Variants in BACE1 observed in about 807,000 individuals in gnomAD.
BACE1 encodes the protein beta-secretase 1.
In BACE1, 21 loss-of-function variants were observed where a neutral mutation model predicts 54.0. The ratio of observed to expected loss-of-function variants is 0.39; its 90% CI spans 0.28 to 0.56. BACE1 has a LOEUF of 0.56. Among genes scored for constraint, BACE1 ranks in the 20% least tolerant of loss-of-function variants. The pLI is 0.63. For synonymous variants in BACE1, 232 were observed against 260.9 expected, an observed-to-expected ratio of 0.89 and a Z score of 1.07; for missense variants, 511 against 661.2, an observed-to-expected ratio of 0.77 and a Z score of 2.49.
chr11:117,299,731 G>A (rs1347726618), intron 1 of BACE1: 3 of 360,762 alleles, frequency 8.3e-6, no homozygotes, highest in African/African-American at 2.2e-5. Context: ...ATAGAGCTGG[G>A]AGGCTCAGCA....
At chr11:117,312,539 T>C (rs1484233551) in intron 1 of BACE1, among the ~76,000 whole-genome samples, 1 of 152,166 alleles carries the variant, frequency 6.6e-6, no homozygotes, top group Non-Finnish European at 1.5e-5. Context: ...CTCGGCTCAC[T>C]GCAACCTCTG....
At chr11:117,307,249 C>T (rs1345488284) in intron 1 of BACE1, among the ~76,000 whole-genome samples, 3 of 152,192 alleles carry the variant, frequency 2.0e-5, no homozygotes, top group African/African-American at 7.2e-5. Flanking sequence ...AAAGAGAAGG[C>T]TCCCAGGAGA....
At position 117,290,924 on chromosome 11, in the gene BACE1, G is replaced by C; in HGVS notation, c.1068C>G (p.Ser356=). The C allele has an allele frequency of 6.2e-7, 1 of 1,614,152 alleles. No homozygotes were observed. The highest frequency in any genetic ancestry group is 1.3e-5 in the African/African-American group (1 of 75,036). ...CCTGCGGAAGGATGGTGATGCGGAA[G>C]GACTGGTTGGTAACCTCACCCATTA... is the stretch of plus-strand genomic sequence containing the variant. ...LYLMGEVTNQ[S]FRITILPQQY... The change falls in exon 7 of 9, where the codon TCC becomes TCG. Residue 356 remains serine (S), a synonymous_variant. Transcript: ENST00000313005.
At chr11:117,295,707 C>G in intron 2 of BACE1, 4 of 1,475,726 alleles carry the variant, frequency 2.7e-6, no homozygotes, top group Non-Finnish European at 3.6e-6. Context: ...GTCAAGCTCC[C>G]CGAGAAAAGG....
chr11:117,312,410 C>A (rs2034965864), intron 1 of BACE1, among the ~76,000 whole-genome samples: 2 of 152,184 alleles, frequency 1.3e-5, no homozygotes, highest in Admixed American at 1.3e-4. Context: ...GAGTTTATCA[C>A]TTTCTGAACA....
chr11:117,294,745 C>T (rs1258473824), intron 3 of BACE1, among the ~76,000 whole-genome samples: 5 of 151,636 alleles, frequency 3.3e-5, no homozygotes, highest in East Asian at 2.0e-4. Flanking sequence ...ATTAGCCGGG[C>T]GTCATGGTGG....
rs1018786036 is a variant in BACE1 at position 117,315,042 on chromosome 11, C to T, written c.261+493G>A. Among the ~76,000 whole-genome samples the T allele has an allele frequency of 5.9e-5, 9 of 152,108 alleles. No individual in the cohort carries two copies. The highest frequency in any genetic ancestry group is 2.2e-4 in the African/African-American group (9 of 41,426). ...CTCACTTTGCCGTACCAGTGGCAGC[C>T]CAGATGGTGGGAGCAAGGTGCTTAT... On this transcript the variant is annotated intron_variant, in intron 1 of 8. Transcript: ENST00000313005. The surrounding 1 kb of genome is among the most constrained non-coding windows in gnomAD (Gnocchi z 5.5).
rs1296927151 is a variant in BACE1, at chr11:117,316,044, C to T, written c.-249G>A. ...GGAGCCCGCTACATCGGCACGGCGG[C>T]GGCCAGCCTGGGCAGCGGGCGCGGG... is the stretch of plus-strand genomic sequence containing the variant. On this transcript the variant is annotated 5_prime_UTR_variant, in exon 1 of 9. Transcript: ENST00000313005. 1.0e-5 allele frequency: 4 copies of T among 397,338 alleles called. No homozygotes were observed. The highest frequency in any genetic ancestry group is 1.8e-5 in the Non-Finnish European group (4 of 227,726). The allele number at this position is 397,338 out of a possible 1,614,324, so 24.6% of individuals were successfully genotyped here. A position where few individuals can be genotyped will look rare whatever the true frequency, so the allele number is the denominator to read the frequency against.
In BACE1 at chr11:117,315,024, T is replaced by C. The variant is rs1432907473; in HGVS notation, c.261+511A>G. On this transcript the variant is annotated intron_variant, in intron 1 of 8. Transcript: ENST00000313005. This position sits in a 1 kb window ranked among gnomAD's most constrained non-coding sequence, Gnocchi z 5.5. ...CAGGGGGGCCTCGACAACCTCACTT[T>C]GCCGTACCAGTGGCAGCCCAGATGG... Among the ~76,000 whole-genome samples, 1 of 152,142 alleles carries C rather than the reference T, an allele frequency of 6.6e-6. No individual in the cohort carries two copies. Among genetic ancestry groups the C allele is most frequent in the Non-Finnish European group, 1.5e-5 (1 of 68,008 alleles).
At chr11:117,303,232 G>C (rs2034762606) in intron 1 of BACE1, among the ~76,000 whole-genome samples, 2 of 152,192 alleles carry the variant, frequency 1.3e-5, no homozygotes, top group Non-Finnish European at 2.9e-5. Context: ...TGATCCGGGA[G>C]TCATCGTCTT....
rs899748840 is a variant in BACE1, at chr11:117,288,857, T to G, written c.*709A>C. The stretch of plus-strand genomic sequence containing the variant: ...AAAACATTGAAAACAACACCCATCT[T>G]CTGAGATGGGATGCTATCTTGGAGA... On this transcript the variant is annotated 3_prime_UTR_variant, in exon 9 of 9. Coordinates refer to ENST00000313005, the MANE Select transcript of BACE1 (RefSeq NM_012104.6). 2 of 152,224 alleles carry G rather than the reference T, an allele frequency of 1.3e-5. No homozygotes were observed. Among genetic ancestry groups the G allele is most frequent in the Admixed American group, 6.5e-5 (1 of 15,276 alleles). The allele number at this position is 152,224 out of a possible 1,614,324, so 9.4% of individuals were successfully genotyped here. A position where few individuals can be genotyped will look rare whatever the true frequency, so the allele number is the denominator to read the frequency against.
chr11:117,299,323 TCTCTC>T (rs2034670324), intron 1 of BACE1, among the ~76,000 whole-genome samples: 1 of 152,254 alleles, frequency 6.6e-6, no homozygotes, highest in Non-Finnish European at 1.5e-5. Context: ...TTCTGTATCT[TCTCTC>T]CTCAGTCCAG....
intron 1 of BACE1, among the ~76,000 whole-genome samples, chr11:117,305,267 G>C (rs2034805584): frequency 6.6e-6 from 1 of 152,154 alleles, no homozygotes; most frequent in African/African-American, 2.4e-5. Context: ...ACCCAAGGCT[G>C]AGAAAAGGGG....
chr11:117,295,123 C>T lies in BACE1; in HGVS notation c.567+8G>A, dbSNP rs754890059. 2.2e-5 allele frequency: 35 copies of T among 1,612,952 alleles called. No homozygotes were observed. The highest frequency in any genetic ancestry group is 1.3e-5 in the African/African-American group (1 of 74,896). The stretch of plus-strand genomic sequence containing the variant: ...AGAGTGTGTAGGGCCAAGCCCTGTT[C>T]CTCTCACCCTGGCAATCTCAGCATA... On this transcript the variant is annotated splice_region_variant and intron_variant, in intron 3 of 8. Transcript: ENST00000313005.
chr11:117,301,639 C>T (rs2034728907), intron 1 of BACE1, among the ~76,000 whole-genome samples: 1 of 152,020 alleles, frequency 6.6e-6, no homozygotes, highest in Non-Finnish European at 1.5e-5. Flanking sequence ...TCAGGATGTC[C>T]CAAGCTGACC....
chr11:117,310,036 GT>G (rs2034911680), intron 1 of BACE1, among the ~76,000 whole-genome samples: 1 of 152,030 alleles, frequency 6.6e-6, no homozygotes, highest in Non-Finnish European at 1.5e-5. Flanking sequence ...AGCCTCCTGA[GT>G]AGCTGGGTTT....
chr11:117,292,800 G>A lies in BACE1; in HGVS notation c.840+254C>T, dbSNP rs540563007. 1.1e-5 allele frequency: 4 copies of A among 373,406 alleles called. No homozygotes were observed. The South Asian group carries it at 1.2e-4, about 11-fold the overall frequency. The allele number at this position is 373,406 out of a possible 1,614,324, so 23.1% of individuals were successfully genotyped here. ...TCACAAAAGACTTGCCCAAGGCTAC[G>A]AAGCAAGGCAGTGACTAGAGTCCAG... On this transcript the variant is annotated intron_variant, in intron 5 of 8. Coordinates refer to ENST00000313005, the MANE Select transcript of BACE1 (RefSeq NM_012104.6).
At chr11:117,299,088 C>T (rs1232022517) in intron 1 of BACE1, among the ~76,000 whole-genome samples, 1 of 152,120 alleles carries the variant, frequency 6.6e-6, no homozygotes, top group Non-Finnish European at 1.5e-5. Context: ...CGTGAGCTAC[C>T]ATGCCCGGCC....
At chr11:117,294,185 A>G (rs2034535141) in intron 3 of BACE1, 177 bp from the exon 4 acceptor site, 2 of 578,368 alleles carry the variant, frequency 3.5e-6, no homozygotes, top group Admixed American at 6.7e-5. Flanking sequence ...CAATGCAAAC[A>G]GGACAGTATT....
Sources: allele counts gnomAD v4.1 joint callset (sites outside exome capture counted in the v4.1 genomes callset), GRCh38; gene constraint gnomAD v4.1.1; non-coding constraint Gnocchi (gnomAD v3.1); transcripts MANE v1.5; gene names NCBI Gene and HGNC (gene_info 2026-07-23, HGNC 2026-07-21).